CNTN4: variants seen among roughly 807,000 people sequenced by gnomAD.
CNTN4 encodes contactin 4, also known as contactin-4.
A neutral mutation model predicts 122.5 loss-of-function variants in CNTN4; 77 were observed. That is an observed-to-expected ratio of 0.63 (90% CI 0.52 to 0.76). The LOEUF is 0.76. CNTN4 is among the 30% of genes least tolerant of loss of function. The pLI, the probability that CNTN4 is intolerant of heterozygous loss-of-function variation, is 0.00. For synonymous variants in CNTN4, 512 were observed against 447.0 expected (o/e 1.15, Z -1.83); for missense variants, 1,256 against 1,259.1 (o/e 1.00, Z 0.04).
chr3:2,347,795 A>AT (rs63386961), intron 3 of CNTN4, among the ~76,000 whole-genome samples: 19,012 of 150,636 alleles, frequency 0.13, 1,478 homozygotes, highest in Non-Finnish European at 0.18. Flanking sequence ...CCAAATGTTC[A>AT]TTTTTTTTTT....
chr3:2,158,901 A>T (rs2035836309), intron 2 of CNTN4, among the ~76,000 whole-genome samples: 1 of 152,166 alleles, frequency 6.6e-6, no homozygotes, highest in Non-Finnish European at 1.5e-5. Context: ...AACAAATACA[A>T]CATTCTTTTT....
chr3:2,277,657 G>T, intron 2 of CNTN4, among the ~76,000 whole-genome samples: 1 of 151,994 alleles, frequency 6.6e-6, no homozygotes, highest in African/African-American at 2.4e-5. Context: ...TGTCTCCATT[G>T]TTGGCAGAAT....
intron 8 of CNTN4, among the ~76,000 whole-genome samples, chr3:2,868,322 C>T (rs1313145481): frequency 2.0e-5 from 3 of 152,206 alleles, no homozygotes; most frequent in African/African-American, 4.8e-5. Context: ...TTCCACCCAG[C>T]ACCCATGTCT....
intron 4 of CNTN4, among the ~76,000 whole-genome samples, chr3:2,576,009 G>C (rs1314814331): frequency 6.6e-6 from 1 of 151,476 alleles, no homozygotes; most frequent in Admixed American, 6.6e-5. Flanking sequence ...TAATTTTTTT[G>C]TATTTTTAGT....
Position 3,034,732 on chromosome 3 carries a change from C to T in CNTN4, c.1884C>T (p.Thr628=). The part of the protein sequence containing the change: ...RPGPDNHSPI[T]MYVIQARTPF... ...GGCCTGACAACCACAGCCCCATCAC[C>T]ATGTATGTCATTCAAGCCAGGACTC... Residue 628 remains threonine (T), a synonymous_variant, in exon 17 of 25, where the codon ACC becomes ACT. Coordinates refer to ENST00000418658, the MANE Select transcript of CNTN4 (RefSeq NM_175607.3). The T allele has an allele frequency of 6.2e-7, 1 of 1,614,044 alleles. No homozygotes were observed. The highest frequency in any genetic ancestry group is 8.5e-7 in the Non-Finnish European group (1 of 1,179,992).
intron 3 of CNTN4, among the ~76,000 whole-genome samples, chr3:2,570,567 T>G (rs2079378601): frequency 6.6e-6 from 1 of 152,210 alleles, no homozygotes; most frequent in African/African-American, 2.4e-5. Flanking sequence ...TGAAAAGTCG[T>G]AGATGCCCCT....
At chr3:2,856,282 ATAATGGGCTGG>A (rs11276624) in intron 7 of CNTN4, among the ~76,000 whole-genome samples, 34,584 of 152,070 alleles carry the variant, frequency 0.23, 4,461 homozygotes, top group African/African-American at 0.36. Context: ...AACGTGTGAA[ATAATGGGCTGG>A]TTGCTACGAG....
At chr3:2,620,994 G>A (rs1446334993) in intron 4 of CNTN4, among the ~76,000 whole-genome samples, 2 of 152,172 alleles carry the variant, frequency 1.3e-5, no homozygotes, top group Non-Finnish European at 2.9e-5. Context: ...ATTTGAGGCT[G>A]AGTAGGTTAT....
At chr3:2,531,383 G>A (rs1482258602) in intron 3 of CNTN4, among the ~76,000 whole-genome samples, 1 of 152,128 alleles carries the variant, frequency 6.6e-6, no homozygotes, top group African/African-American at 2.4e-5. Flanking sequence ...ATAATTAGCA[G>A]TCTAGTCAAA....
At chr3:2,859,750 A>G (rs540193832) in intron 7 of CNTN4, among the ~76,000 whole-genome samples, 2 of 152,172 alleles carry the variant, frequency 1.3e-5, no homozygotes, top group Non-Finnish European at 2.9e-5. Flanking sequence ...TATAAGTTGT[A>G]TGTCCTATTT....
At chr3:2,617,303 C>T (rs71311716) in intron 4 of CNTN4, among the ~76,000 whole-genome samples, 25 of 151,858 alleles carry the variant, frequency 1.6e-4, no homozygotes, top group Non-Finnish European at 2.8e-4. Flanking sequence ...AAGAAAAAAA[C>T]AACCCCATCA....
At chr3:2,158,818 G>T (rs1241173599) in intron 2 of CNTN4, among the ~76,000 whole-genome samples, 1 of 152,168 alleles carries the variant, frequency 6.6e-6, no homozygotes, top group Non-Finnish European at 1.5e-5. Context: ...CATGGAGTCT[G>T]TTACTCTTCA....
At chr3:3,005,698 G>C (rs1047917191) in intron 14 of CNTN4, among the ~76,000 whole-genome samples, 7 of 151,042 alleles carry the variant, frequency 4.6e-5, no homozygotes, top group African/African-American at 1.5e-4. Context: ...AGAACTAGCC[G>C]GCTTTCTTTC....
chr3:2,620,253 A>G (rs1036562086), intron 4 of CNTN4, among the ~76,000 whole-genome samples: 1 of 152,170 alleles, frequency 6.6e-6, no homozygotes, highest in Non-Finnish European at 1.5e-5. Flanking sequence ...TAATCTCAGC[A>G]CTTGAGGAAG....
rs1220761684 is a variant in CNTN4 at position 2,600,005 on chromosome 3, C to CTT, written c.55+28448_55+28449dup. 5.8e-3 allele frequency among the ~76,000 whole-genome samples: 163 copies of CTT among 28,228 alleles called. 4 individuals are homozygous for CTT. The highest frequency in any genetic ancestry group is 0.012 in the Non-Finnish European group (124 of 10,568). 18.5% of individuals were successfully genotyped at this position (28,228 alleles called of 152,430 possible). ...CAACTCTATTTTGGTTTATGGAATT[C>CTT]TTCTTTTTTTTTTTTTTTTTTTTTT... On this transcript the variant is annotated intron_variant, in intron 4 of 24. Transcript: ENST00000418658.
chr3:2,757,005 G>C (rs2090368881), intron 6 of CNTN4, among the ~76,000 whole-genome samples: 1 of 152,034 alleles, frequency 6.6e-6, no homozygotes, highest in South Asian at 2.1e-4. Flanking sequence ...TGACCACTTT[G>C]ATCAATTTTT....
intron 15 of CNTN4, among the ~76,000 whole-genome samples, chr3:3,027,944 C>G (rs1698867209): frequency 6.6e-6 from 1 of 152,192 alleles, no homozygotes; most frequent in Non-Finnish European, 1.5e-5. Context: ...CCCTGTTAAA[C>G]TAGTGCTAAC....
At chr3:2,616,531 C>T (rs1466039921) in intron 4 of CNTN4, among the ~76,000 whole-genome samples, 1 of 152,092 alleles carries the variant, frequency 6.6e-6, no homozygotes, top group African/African-American at 2.4e-5. Context: ...ATTTCTAGTT[C>T]TAGATCCTTG....
intron 7 of CNTN4, among the ~76,000 whole-genome samples, chr3:2,851,600 T>A (rs1157776815): frequency 2.0e-5 from 3 of 152,090 alleles, no homozygotes; most frequent in Admixed American, 2.0e-4. Context: ...GTTTTATTGT[T>A]TACAAAGTGT....
Sources: gnomAD v4.1 joint callset for allele counts (sites outside exome capture counted in the v4.1 genomes callset) on GRCh38, gnomAD v4.1.1 for gene constraint, MANE v1.5 for transcripts, NCBI Gene and HGNC (gene_info 2026-07-23, HGNC 2026-07-21) for gene names.